Variants in SYT1 observed in about 807,000 individuals in gnomAD.
The protein encoded by SYT1 is synaptotagmin 1.
Under a neutral mutation model 44.8 loss-of-function variants are expected in SYT1, and 8 were observed. That is an observed-to-expected ratio of 0.18 (90% CI 0.10 to 0.32). SYT1 has a LOEUF of 0.32. Ranked by LOEUF, SYT1 falls within the 10% of genes least tolerant of loss-of-function variation. The pLI is 1.00. For synonymous variants in SYT1, 154 were observed against 188.8 expected, an observed-to-expected ratio of 0.82 and a Z score of 1.51; for missense variants, 286 against 509.3, an observed-to-expected ratio of 0.56 and a Z score of 4.22.
At chr12:78,888,475 C>T (rs1274649421) in intron 1 of SYT1, among the ~76,000 whole-genome samples, 1 of 151,866 alleles carries the variant, frequency 6.6e-6, no homozygotes, top group Admixed American at 6.6e-5. Flanking sequence ...TAAAATTAAT[C>T]ATCACCTAAA....
At chr12:79,029,066 A>G (rs2137662347) in intron 2 of SYT1, among the ~76,000 whole-genome samples, 1 of 151,384 alleles carries the variant, frequency 6.6e-6, no homozygotes, top group African/African-American at 2.4e-5. Flanking sequence ...TACAAGATAT[A>G]TTTTTGTTTT....
chr12:79,188,413 A>G (rs181206730), intron 3 of SYT1, among the ~76,000 whole-genome samples: 1 of 152,252 alleles, frequency 6.6e-6, no homozygotes, highest in Non-Finnish European at 1.5e-5. Flanking sequence ...GAAAGTGTCC[A>G]TGTCAAATTG....
intron 4 of SYT1, among the ~76,000 whole-genome samples, chr12:79,228,260 T>C (rs1377342829): frequency 6.6e-6 from 1 of 152,122 alleles, no homozygotes; most frequent in African/African-American, 2.4e-5. Flanking sequence ...ATCTCTACCA[T>C]ACTTATTTAA....
At chr12:79,408,525 A>T (rs898641972) in intron 9 of SYT1, among the ~76,000 whole-genome samples, 1 of 152,138 alleles carries the variant, frequency 6.6e-6, no homozygotes, top group Non-Finnish European at 1.5e-5. Context: ...CCATGCTTTC[A>T]TGTGGATTCA....
At chr12:78,908,803 C>T (rs1876142435) in intron 1 of SYT1, among the ~76,000 whole-genome samples, 1 of 151,832 alleles carries the variant, frequency 6.6e-6, no homozygotes, top group African/African-American at 2.4e-5. Context: ...CATGACATGT[C>T]CAGGTTTAAC....
intron 3 of SYT1, among the ~76,000 whole-genome samples, chr12:79,210,363 A>G (rs1874366324): frequency 6.6e-6 from 1 of 152,062 alleles, no homozygotes; most frequent in Non-Finnish European, 1.5e-5. Context: ...CAAGCAGTAT[A>G]CATTGCACCA....
At chr12:79,292,503 C>T (rs553002851) in intron 6 of SYT1, among the ~76,000 whole-genome samples, 1 of 152,318 alleles carries the variant, frequency 6.6e-6, no homozygotes, top group East Asian at 1.9e-4. Context: ...CTAGACAGGG[C>T]TAGGGGCCTT....
At chr12:79,320,418 G>A (rs56906482) in intron 8 of SYT1, among the ~76,000 whole-genome samples, 1,609 of 152,190 alleles carry the variant, frequency 0.011, 31 homozygotes, top group African/African-American at 0.037. Context: ...TTTCTGCCTT[G>A]AGGTTTTTAT....
At chr12:79,002,300 G>A (rs903903643) in intron 2 of SYT1, among the ~76,000 whole-genome samples, 1 of 152,048 alleles carries the variant, frequency 6.6e-6, no homozygotes, top group African/African-American at 2.4e-5. Context: ...TGAAATAAAA[G>A]CAATCATGGC....
intron 4 of SYT1, among the ~76,000 whole-genome samples, chr12:79,279,011 T>TA (rs201517841): frequency 0.11 from 13,876 of 128,024 alleles, 881 homozygotes; most frequent in Non-Finnish European, 0.15. Context: ...GAATTAATAC[T>TA]AAAAAAAAAA....
chr12:79,163,915 C>T (rs957138086), intron 3 of SYT1, among the ~76,000 whole-genome samples: 1 of 152,050 alleles, frequency 6.6e-6, no homozygotes, highest in African/African-American at 2.4e-5. Context: ...TAGAGCTCAA[C>T]ATACACCTTC....
chr12:79,106,502 CT>C (rs568453527), intron 3 of SYT1, among the ~76,000 whole-genome samples: 367 of 139,766 alleles, frequency 2.6e-3, no homozygotes, highest in Middle Eastern at 3.7e-3. Flanking sequence ...GTTTATAATG[CT>C]TTTTTTTTTT....
At chr12:79,261,793 A>G (rs1592908798) in intron 4 of SYT1, among the ~76,000 whole-genome samples, 1 of 152,204 alleles carries the variant, frequency 6.6e-6, no homozygotes, top group East Asian at 1.9e-4. Context: ...GTAAAGAAAT[A>G]AAAGCTCAAA....
chr12:79,230,323 T>C (rs1164332104), intron 4 of SYT1, among the ~76,000 whole-genome samples: 1 of 152,222 alleles, frequency 6.6e-6, no homozygotes, highest in Non-Finnish European at 1.5e-5. Flanking sequence ...TAGTATTACA[T>C]AGTTTCAAGC....
chr12:79,380,627 A>G (rs1179911128), intron 9 of SYT1, among the ~76,000 whole-genome samples: 1 of 152,068 alleles, frequency 6.6e-6, no homozygotes, highest in Non-Finnish European at 1.5e-5. Context: ...GCCTCAAGCA[A>G]TCCTTCCACC....
intron 9 of SYT1, among the ~76,000 whole-genome samples, chr12:79,369,208 A>G (rs1442191249): frequency 1.3e-5 from 2 of 152,232 alleles, no homozygotes. Flanking sequence ...CTGGCAGGGC[A>G]TGGTGGCTCA....
At chr12:78,883,372 TCTCA>T in intron 1 of SYT1, among the ~76,000 whole-genome samples, 1 of 151,798 alleles carries the variant, frequency 6.6e-6, no homozygotes, top group African/African-American at 2.4e-5. Flanking sequence ...TTCATTCGTT[TCTCA>T]CTCACTTATA....
intron 3 of SYT1, among the ~76,000 whole-genome samples, chr12:79,160,465 G>C (rs1319276343): frequency 6.6e-6 from 1 of 152,108 alleles, no homozygotes. Flanking sequence ...TGAACTAAGG[G>C]AAAGCATTAG....
intron 2 of SYT1, among the ~76,000 whole-genome samples, chr12:79,046,166 A>C (rs974963471): frequency 6.6e-6 from 1 of 152,206 alleles, no homozygotes; most frequent in Non-Finnish European, 1.5e-5. Context: ...ATAAAGGAAA[A>C]GCAGATCTTG....
Sources: gnomAD v4.1 joint callset for allele counts (sites outside exome capture counted in the v4.1 genomes callset) on GRCh38, gnomAD v4.1.1 for gene constraint, MANE v1.5 for transcripts, NCBI Gene and HGNC (gene_info 2026-07-23, HGNC 2026-07-21) for gene names.